AP2B1: variants seen among roughly 807,000 people sequenced by gnomAD.
AP2B1 encodes adaptor related protein complex 2 subunit beta 1, also known as AP-2 complex subunit beta.
AP2B1 carries 23 observed loss-of-function variants against 102.0 expected under a neutral mutation model. The ratio of observed to expected loss-of-function variants is 0.23; its 90% CI spans 0.16 to 0.32. The LOEUF (loss-of-function observed/expected upper bound fraction) is 0.32. AP2B1 is among the 10% of genes least tolerant of loss of function. The pLI is 1.00. For missense variants in AP2B1, 541 were observed against 1,157.4 expected, an observed-to-expected ratio of 0.47 and a Z score of 7.73; for synonymous variants, 381 against 421.2, an observed-to-expected ratio of 0.90 and a Z score of 1.17.
At chr17:35,678,948 T>C (rs2075757927) in intron 17 of AP2B1, among the ~76,000 whole-genome samples, 1 of 136,976 alleles carries the variant, frequency 7.3e-6, no homozygotes, top group South Asian at 2.4e-4. Context: ...TCTTCCTTGG[T>C]AGCTAGCATT....
chr17:35,708,471 G>A (rs1555585920), intron 18 of AP2B1, among the ~76,000 whole-genome samples: 1 of 151,854 alleles, frequency 6.6e-6, no homozygotes, highest in African/African-American at 2.4e-5. Context: ...AGGATGCTCT[G>A]AATTAAGCAG....
intron 5 of AP2B1, among the ~76,000 whole-genome samples, chr17:35,620,298 TAGTG>T (rs1265293447): frequency 6.6e-6 from 1 of 151,336 alleles, no homozygotes; most frequent in African/African-American, 2.4e-5. Flanking sequence ...CTGGACAACA[TAGTG>T]AGACCCCTGT....
chr17:35,701,432 A>G (rs2076236840), intron 18 of AP2B1, among the ~76,000 whole-genome samples: 1 of 152,194 alleles, frequency 6.6e-6, no homozygotes, highest in African/African-American at 2.4e-5. Flanking sequence ...TGGGTACATT[A>G]TGGGATTTAG....
At position 35,721,243 on chromosome 17, in the gene AP2B1, C is replaced by T. The variant is rs75548029; in HGVS notation, c.2782-2382C>T. 5.6e-3 allele frequency among the ~76,000 whole-genome samples: 858 copies of T among 152,182 alleles called. 5 individuals carry two copies. Among genetic ancestry groups the T allele is most frequent in the African/African-American group, 0.02 (822 of 41,504 alleles). On this transcript the variant is annotated intron_variant, in intron 21 of 21. Transcript: ENST00000610402. Reference sequence around the variant, plus strand: ...ATCCTCACCTGAAAGATAACTTGTCCCACGTGAAGCAGTGTATGTTCCACA... The same window carrying T: ...ATCCTCACCTGAAAGATAACTTGTCTCACGTGAAGCAGTGTATGTTCCACA...
intron 20 of AP2B1, 94 bp downstream of exon 20, chr17:35,710,414 C>G: frequency 1.2e-6 from 1 of 816,036 alleles, no homozygotes; most frequent in Non-Finnish European, 2.0e-6. Context: ...TTTTATCCTC[C>G]CCCGTATCTA....
At chr17:35,652,442 T>C (rs943593199) in intron 13 of AP2B1, among the ~76,000 whole-genome samples, 21 of 152,200 alleles carry the variant, frequency 1.4e-4, no homozygotes, top group African/African-American at 5.1e-4. Flanking sequence ...CTTCACTAGG[T>C]CTTTTAAAAT....
chr17:35,714,192 A>G (rs1555588835), intron 20 of AP2B1, among the ~76,000 whole-genome samples: 3 of 152,174 alleles, frequency 2.0e-5, no homozygotes, highest in Admixed American at 1.3e-4. Flanking sequence ...GTAAGGGTGA[A>G]TTCTGTTTCA....
chr17:35,599,048 A>G (rs149272481), intron 3 of AP2B1, among the ~76,000 whole-genome samples: 295 of 152,358 alleles, frequency 1.9e-3, no homozygotes, highest in African/African-American at 6.1e-3. Flanking sequence ...CCTTAACACC[A>G]TGTGCTAAAA....
intron 5 of AP2B1, among the ~76,000 whole-genome samples, chr17:35,619,542 G>A (rs1030248482): frequency 6.6e-6 from 1 of 151,968 alleles, no homozygotes; most frequent in African/African-American, 2.4e-5. Flanking sequence ...TCATATTGAA[G>A]AGAAGTCTGT....
chr17:35,675,836 A>G (rs2075689162), intron 17 of AP2B1, among the ~76,000 whole-genome samples: 1 of 152,162 alleles, frequency 6.6e-6, no homozygotes, highest in Non-Finnish European at 1.5e-5. Flanking sequence ...ATCGTTAAAA[A>G]AAATCATCAA....
At chr17:35,649,927 C>G (rs952349301) in intron 12 of AP2B1, among the ~76,000 whole-genome samples, 1 of 151,780 alleles carries the variant, frequency 6.6e-6, no homozygotes, top group African/African-American at 2.4e-5. Context: ...CTACACCCCG[C>G]CCTGATAATT....
chr17:35,642,040 C>A, intron 12 of AP2B1, 65 bp downstream of exon 12: 3 of 1,253,130 alleles, frequency 2.4e-6, no homozygotes, highest in African/African-American at 1.5e-5. Flanking sequence ...AATTATGAAA[C>A]TCTTCCTAGG....
At chr17:35,594,296 TGAAA>T (rs139507255) in intron 2 of AP2B1, among the ~76,000 whole-genome samples, 99 of 152,330 alleles carry the variant, frequency 6.5e-4, no homozygotes, top group African/African-American at 2.3e-3. Flanking sequence ...TTCTGTTTAG[TGAAA>T]GAGACTCCTC....
At chr17:35,680,064 G>T (rs756631395) in intron 17 of AP2B1, among the ~76,000 whole-genome samples, 1 of 151,642 alleles carries the variant, frequency 6.6e-6, no homozygotes, top group Non-Finnish European at 1.5e-5. Context: ...GACCACGCCC[G>T]ACTAATTTTT....
At chr17:35,642,050 G>A in intron 12 of AP2B1, 75 bp downstream of exon 12, 5 of 1,123,286 alleles carry the variant, frequency 4.5e-6, no homozygotes, top group Non-Finnish European at 6.6e-6. Flanking sequence ...CTCTTCCTAG[G>A]GGATTCATTT....
chr17:35,716,140 A>T (rs587711861), intron 20 of AP2B1, among the ~76,000 whole-genome samples: 1 of 152,214 alleles, frequency 6.6e-6, no homozygotes, highest in Admixed American at 6.5e-5. Flanking sequence ...ACCATCCATC[A>T]TGGCAACCTT....
At chr17:35,624,788 G>A (rs768262640) in intron 6 of AP2B1, among the ~76,000 whole-genome samples, 1 of 152,156 alleles carries the variant, frequency 6.6e-6, no homozygotes, top group Non-Finnish European at 1.5e-5. Flanking sequence ...AGAAATGTAT[G>A]TTTTTCATAC....
intron 18 of AP2B1, among the ~76,000 whole-genome samples, chr17:35,707,514 G>A (rs1386630216): frequency 2.1e-5 from 3 of 143,602 alleles, no homozygotes; most frequent in Admixed American, 7.2e-5. Flanking sequence ...GTGCGGTGGC[G>A]CTATCTCAGC....
rs1266596681 is a variant in AP2B1, at chr17:35,725,922, A to C, written c.*2223A>C. ...CTGACCTGACTGAGCCAACCCATGA[A>C]CTCTTCACTCCTTGGGGAAGCCACC... On this transcript the variant is annotated 3_prime_UTR_variant, in exon 22 of 22. Coordinates refer to ENST00000610402, the MANE Select transcript of AP2B1 (RefSeq NM_001030006.2). 6.6e-6 allele frequency: 1 copy of C among 151,808 alleles called. No individual in the cohort carries two copies. Among genetic ancestry groups the C allele is most frequent in the Admixed American group, 6.6e-5 (1 of 15,224 alleles). 9.4% of individuals were successfully genotyped at this position (151,808 alleles called of 1,614,324 possible).
Sources: gnomAD v4.1 joint callset for allele counts (sites outside exome capture counted in the v4.1 genomes callset) on GRCh38, gnomAD v4.1.1 for gene constraint, MANE v1.5 for transcripts, NCBI Gene and HGNC (gene_info 2026-07-23, HGNC 2026-07-21) for gene names.